The following SORCS2 variants were observed in gnomAD, a reference collection of about 807,000 sequenced individuals.
SORCS2 encodes the protein sortilin related VPS10 domain containing receptor 2.
A neutral mutation model predicts 141.6 loss-of-function variants in SORCS2; 100 were observed. The ratio of observed to expected loss-of-function variants is 0.71; its 90% CI spans 0.60 to 0.83. SORCS2 has a LOEUF of 0.83. Among genes scored for constraint, SORCS2 ranks in the 40% least tolerant of loss-of-function variants. The pLI, the probability that SORCS2 is intolerant of heterozygous loss-of-function variation, is 0.00. For synonymous variants in SORCS2, 789 were observed against 676.9 expected (o/e 1.17, Z -2.57); for missense variants, 1,646 against 1,560.2 (o/e 1.05, Z -0.93).
intron 2 of SORCS2, among the ~76,000 whole-genome samples, chr4:7,404,399 C>T (rs995661305): frequency 1.3e-5 from 2 of 152,114 alleles, no homozygotes; most frequent in African/African-American, 2.4e-5. Context: ...AATGGTCATT[C>T]TATTTTTAGG....
At chr4:7,426,860 A>G (rs968821479) in intron 2 of SORCS2, among the ~76,000 whole-genome samples, 7 of 152,206 alleles carry the variant, frequency 4.6e-5, no homozygotes, top group African/African-American at 1.7e-4. Flanking sequence ...CTGGCCTCCC[A>G]GAATCCACAT....
chr4:7,722,599 C>G (rs1432391014), intron 18 of SORCS2, among the ~76,000 whole-genome samples: 1 of 152,182 alleles, frequency 6.6e-6, no homozygotes, highest in Non-Finnish European at 1.5e-5. Flanking sequence ...GTGCCCAAAT[C>G]TCCCTCTCCT....
chr4:7,668,916 C>T (rs545096730), intron 8 of SORCS2, among the ~76,000 whole-genome samples: 1 of 152,204 alleles, frequency 6.6e-6, no homozygotes, highest in South Asian at 2.1e-4. Context: ...CTCTGCTCCC[C>T]TCTAGCATTG....
In SORCS2 at chr4:7,336,501, G is replaced by A. The variant is rs546415062; in HGVS notation, c.481-59787G>A. 3.3e-4 allele frequency among the ~76,000 whole-genome samples: 41 copies of A among 122,528 alleles called. 1 individual carries two copies. The South Asian group carries it at 0.011, about 33-fold the overall frequency. The allele number at this position is 122,528 out of a possible 152,430, so 80.4% of individuals were successfully genotyped here. On this transcript the variant is annotated intron_variant, in intron 1 of 26. Coordinates refer to ENST00000507866, the MANE Select transcript of SORCS2 (RefSeq NM_020777.3). ...CTCCTGTTCGCATCTTGGTGGAAGC[G>A]CCAGTAGCACCTTGGGTGAGCCGTG...
intron 3 of SORCS2, among the ~76,000 whole-genome samples, chr4:7,626,740 T>C (rs1719538826): frequency 6.6e-6 from 1 of 152,178 alleles, no homozygotes; most frequent in African/African-American, 2.4e-5. Context: ...TTTGTTTTCC[T>C]TCCTGTCTTT....
At chr4:7,543,899 T>C (rs370298763) in intron 3 of SORCS2, among the ~76,000 whole-genome samples, 249 of 17,736 alleles carry the variant, frequency 0.014, 5 homozygotes, top group African/African-American at 0.03. Flanking sequence ...CACCCATCCA[T>C]CCATCCACCC....
At chr4:7,582,301 A>G (rs1716211266) in intron 3 of SORCS2, among the ~76,000 whole-genome samples, 1 of 152,242 alleles carries the variant, frequency 6.6e-6, no homozygotes, top group Non-Finnish European at 1.5e-5. Flanking sequence ...GACAAAGGCC[A>G]TGATCTCACC....
chr4:7,414,262 T>A (rs1389939826), intron 2 of SORCS2, among the ~76,000 whole-genome samples: 1 of 152,176 alleles, frequency 6.6e-6, no homozygotes, highest in Non-Finnish European at 1.5e-5. Context: ...CAGTTGCACA[T>A]GGCAAGACCT....
chr4:7,235,734 C>T (rs1712221355), intron 1 of SORCS2, among the ~76,000 whole-genome samples: 1 of 152,206 alleles, frequency 6.6e-6, no homozygotes, highest in Non-Finnish European at 1.5e-5. Context: ...CTGAGTCTAT[C>T]CATGCCCACT....
intron 1 of SORCS2, among the ~76,000 whole-genome samples, chr4:7,252,877 A>C (rs1713599137): frequency 6.6e-6 from 1 of 152,248 alleles, no homozygotes; most frequent in African/African-American, 2.4e-5. Flanking sequence ...GTTTAGAAAA[A>C]ATTGAAACTG....
chr4:7,629,537 C>T (rs1396076118), intron 3 of SORCS2, among the ~76,000 whole-genome samples: 1 of 152,056 alleles, frequency 6.6e-6, no homozygotes, highest in Non-Finnish European at 1.5e-5. Context: ...CACCCCTGGC[C>T]ACTCTCCAGC....
intron 1 of SORCS2, among the ~76,000 whole-genome samples, chr4:7,394,799 C>A (rs1045879737): frequency 6.6e-6 from 1 of 152,124 alleles, no homozygotes; most frequent in Non-Finnish European, 1.5e-5. Flanking sequence ...GAGCTCCACC[C>A]CCCGAGGCCA....
In SORCS2 at chr4:7,740,583, G is replaced by T; in HGVS notation, c.*319G>T. The stretch of plus-strand genomic sequence containing the variant: ...TCAGCCCGAGGCCTGACTTCTCTGG[G>T]CTGAGGCTGGTCGTCCTGGAGCCCT... On this transcript the variant is annotated 3_prime_UTR_variant, in exon 27 of 27. Coordinates refer to ENST00000507866, the MANE Select transcript of SORCS2 (RefSeq NM_020777.3). 2.4e-6 allele frequency: 1 copy of T among 416,448 alleles called. No homozygotes were observed. Among genetic ancestry groups the T allele is most frequent in the Non-Finnish European group, 4.5e-6 (1 of 223,026 alleles). The allele number at this position is 416,448 out of a possible 1,614,324, so 25.8% of individuals were successfully genotyped here.
At chr4:7,310,991 C>T (rs1007272040) in intron 1 of SORCS2, among the ~76,000 whole-genome samples, 3 of 152,144 alleles carry the variant, frequency 2.0e-5, no homozygotes, top group African/African-American at 7.2e-5. Flanking sequence ...TGAATTTTGA[C>T]GTGTGTTTAT....
chr4:7,622,255 G>A (rs1719243382), intron 3 of SORCS2, among the ~76,000 whole-genome samples: 1 of 152,186 alleles, frequency 6.6e-6, no homozygotes, highest in Non-Finnish European at 1.5e-5. Flanking sequence ...GGGCAGGATC[G>A]AGGCCCCCAT....
chr4:7,724,453 GTGA>G lies in SORCS2; in HGVS notation c.2611+573_2611+575del, dbSNP rs1292136632. ...GGTGATAATGGTGACAATGGTGGTG[GTGA>G]TGGTGGTGGTGATGGTGATGGTGGT... On this transcript the variant is annotated intron_variant, in intron 19 of 26. Transcript: ENST00000507866. Among the ~76,000 whole-genome samples, 118 of 132,080 alleles carry G rather than the reference GTGA, an allele frequency of 8.9e-4. 2 individuals carry two copies. The highest frequency in any genetic ancestry group is 1.6e-3 in the Non-Finnish European group (103 of 62,760). 86.6% of individuals were successfully genotyped at this position (132,080 alleles called of 152,430 possible). A position where few individuals can be genotyped will look rare whatever the true frequency, so the allele number is the denominator to read the frequency against.
chr4:7,661,154 G>T (rs1209208648), intron 5 of SORCS2, among the ~76,000 whole-genome samples: 1 of 152,146 alleles, frequency 6.6e-6, no homozygotes, highest in African/African-American at 2.4e-5. Context: ...AAAAAGCAAC[G>T]TGAAAGTCTT....
chr4:7,368,664 T>G (rs185272324), intron 1 of SORCS2, among the ~76,000 whole-genome samples: 1 of 152,210 alleles, frequency 6.6e-6, no homozygotes, highest in Non-Finnish European at 1.5e-5. Flanking sequence ...CCAAGACATG[T>G]TCCCTGAGTG....
chr4:7,442,834 G>A (rs909479773), intron 2 of SORCS2, among the ~76,000 whole-genome samples: 2 of 151,918 alleles, frequency 1.3e-5, no homozygotes, highest in Admixed American at 6.6e-5. Flanking sequence ...CGGGGTGGCC[G>A]AAAACAACCG....
Sources: gnomAD v4.1 joint callset for allele counts (sites outside exome capture counted in the v4.1 genomes callset) on GRCh38, gnomAD v4.1.1 for gene constraint, MANE v1.5 for transcripts, NCBI Gene and HGNC (gene_info 2026-07-23, HGNC 2026-07-21) for gene names.